Variants in KCNN2 observed in about 807,000 individuals in gnomAD.
KCNN2 encodes small conductance calcium-activated potassium channel protein 2.
KCNN2 carries 24 observed loss-of-function variants against 55.5 expected under a neutral mutation model. The ratio of observed to expected loss-of-function variants is 0.43; its 90% confidence interval spans 0.31 to 0.61. The LOEUF is 0.61. Ranked by LOEUF, KCNN2 falls within the 20% of genes least tolerant of loss-of-function variation. KCNN2 has a pLI of 0.08. For synonymous variants in KCNN2, 431 were observed against 336.1 expected (o/e 1.28, Z -3.09); for missense variants, 754 against 853.6 (o/e 0.88, Z 1.45).
Position 114,204,481 on chromosome 5 carries a change from G to A in KCNN2, c.-270-16999G>A, listed in dbSNP as rs369403872. Reference sequence around the variant, plus strand: ...CAGATCTCTTGCCTTGAAGTTTAGAGACCTTTTTAGCTCACAGTGCTGCCT... The same window carrying A: ...CAGATCTCTTGCCTTGAAGTTTAGAAACCTTTTTAGCTCACAGTGCTGCCT... On this transcript the variant is annotated intron_variant, in intron 1 of 10. Transcript: ENST00000512097. 5.3e-5 allele frequency among the ~76,000 whole-genome samples: 8 copies of A among 152,316 alleles called. No individual in the cohort carries two copies. The East Asian group carries it at 1.5e-3, about 29-fold the overall frequency.
chr5:114,321,611 T>C (rs36965), intron 2 of KCNN2, among the ~76,000 whole-genome samples: 15,433 of 152,056 alleles, frequency 0.1, 851 homozygotes, highest in African/African-American at 0.13. Context: ...CCTCTTGCCA[T>C]CTCTTACATC....
At chr5:114,481,790 G>A (rs1296260553) in intron 5 of KCNN2, among the ~76,000 whole-genome samples, 1 of 152,060 alleles carries the variant, frequency 6.6e-6, no homozygotes, top group Admixed American at 6.6e-5. Context: ...GCAGAAAGGA[G>A]TCCCTATTTA....
intron 1 of KCNN2, among the ~76,000 whole-genome samples, chr5:114,094,287 A>G (rs1158117): frequency 0.52 from 79,232 of 151,914 alleles, 21,683 homozygotes; most frequent in East Asian, 0.69. Flanking sequence ...TCAGCACAGA[A>G]TAGATTATCT....
intron 2 of KCNN2, among the ~76,000 whole-genome samples, chr5:114,291,955 T>G (rs556259626): frequency 1.4e-3 from 212 of 152,316 alleles, no homozygotes; most frequent in African/African-American, 4.7e-3. Flanking sequence ...TGATGAGCAT[T>G]TTTTCATGTG....
chr5:114,089,515 A>G (rs780965969), intron 1 of KCNN2, among the ~76,000 whole-genome samples: 5 of 152,082 alleles, frequency 3.3e-5, no homozygotes, highest in Non-Finnish European at 7.4e-5. Flanking sequence ...ATCTCATCCT[A>G]CTCATGTGTA....
intron 1 of KCNN2, among the ~76,000 whole-genome samples, chr5:114,201,882 A>C (rs956795712): frequency 6.6e-6 from 1 of 151,398 alleles, no homozygotes; most frequent in African/African-American, 2.4e-5. Flanking sequence ...GCCCAATCTC[A>C]GACTGAGGTC....
chr5:114,410,894 A>G (rs78441164), intron 3 of KCNN2, among the ~76,000 whole-genome samples: 6,625 of 152,270 alleles, frequency 0.044, 162 homozygotes, highest in South Asian at 0.062. Flanking sequence ...ATCATTTGTT[A>G]AGGAACATTT....
intron 2 of KCNN2, among the ~76,000 whole-genome samples, chr5:114,315,421 CTGTGTGTGTGTG>C (rs34000645): frequency 3.6e-4 from 51 of 142,882 alleles, no homozygotes; most frequent in Admixed American, 4.2e-4. Context: ...AAGGCAGAAA[CTGTGTGTGTGTG>C]TGTGTGTGTG....
chr5:114,327,982 A>G (rs1756743185), intron 2 of KCNN2, among the ~76,000 whole-genome samples: 1 of 152,222 alleles, frequency 6.6e-6, no homozygotes, highest in Non-Finnish European at 1.5e-5. Context: ...GTTATTACTA[A>G]TTGAAGAGGC....
chr5:114,295,110 C>G (rs1193702257), intron 2 of KCNN2, among the ~76,000 whole-genome samples: 1 of 152,122 alleles, frequency 6.6e-6, no homozygotes, highest in African/African-American at 2.4e-5. Context: ...TCAGTGTGCC[C>G]CTACTGAGGG....
intron 3 of KCNN2, among the ~76,000 whole-genome samples, chr5:114,432,159 CAGAG>C (rs1469702561): frequency 1.3e-5 from 2 of 152,210 alleles, no homozygotes; most frequent in African/African-American, 4.8e-5. Context: ...GAATTACTAA[CAGAG>C]AGATGTTGAA....
At chr5:114,233,741 G>T (rs1225754360) in intron 2 of KCNN2, among the ~76,000 whole-genome samples, 1 of 152,190 alleles carries the variant, frequency 6.6e-6, no homozygotes, top group Non-Finnish European at 1.5e-5. Flanking sequence ...AGAACACAAT[G>T]AGACTTTGCA....
At chr5:114,478,551 C>G (rs1762077570) in intron 5 of KCNN2, among the ~76,000 whole-genome samples, 1 of 151,844 alleles carries the variant, frequency 6.6e-6, no homozygotes. Flanking sequence ...GCAGAGATCT[C>G]CAGTAAGGTA....
intron 1 of KCNN2, among the ~76,000 whole-genome samples, chr5:114,214,996 A>T (rs1319223935): frequency 6.6e-6 from 1 of 152,282 alleles, no homozygotes; most frequent in East Asian, 1.9e-4. Context: ...TGGAACCAAG[A>T]TCAGAGGAAT....
chr5:114,464,821 C>G (rs551095438), intron 4 of KCNN2, among the ~76,000 whole-genome samples: 1 of 49,238 alleles, frequency 2.0e-5, no homozygotes, highest in Non-Finnish European at 4.3e-5. Context: ...AAAAAAAAAA[C>G]GGTATGCTGC....
chr5:114,380,524 T>C (rs1035788775), intron 2 of KCNN2, among the ~76,000 whole-genome samples: 1 of 152,178 alleles, frequency 6.6e-6, no homozygotes, highest in African/African-American at 2.4e-5. Flanking sequence ...TTAATAGGTG[T>C]GAGCTTCAGT....
At chr5:114,226,078 G>C (rs1177951544) in intron 2 of KCNN2, among the ~76,000 whole-genome samples, 2 of 152,052 alleles carry the variant, frequency 1.3e-5, no homozygotes, top group Non-Finnish European at 2.9e-5. Context: ...AAGAAGAGCA[G>C]AGTGGGAAAT....
At chr5:114,214,830 C>T (rs776208849) in intron 1 of KCNN2, among the ~76,000 whole-genome samples, 11 of 152,080 alleles carry the variant, frequency 7.2e-5, no homozygotes, top group East Asian at 1.9e-4. Context: ...TTTCCCTGAG[C>T]GAAAATTTTA....
intron 1 of KCNN2, among the ~76,000 whole-genome samples, chr5:114,162,957 G>T (rs1041665609): frequency 6.6e-6 from 1 of 152,158 alleles, no homozygotes; most frequent in Non-Finnish European, 1.5e-5. Flanking sequence ...TCCCGGGTGA[G>T]GCGATGCCTC....
Sources: allele counts gnomAD v4.1 joint callset (sites outside exome capture counted in the v4.1 genomes callset), GRCh38; gene constraint gnomAD v4.1.1; transcripts MANE v1.5; gene names NCBI Gene and HGNC (gene_info 2026-07-23, HGNC 2026-07-21).